NNT: variants seen among roughly 807,000 people sequenced by gnomAD.
NNT encodes NAD(P) transhydrogenase, mitochondrial.
In NNT, 50 loss-of-function variants were observed where a neutral mutation model predicts 104.8. The ratio of observed to expected loss-of-function variants is 0.48; its 90% CI spans 0.38 to 0.60. NNT has a LOEUF of 0.60. Ranked by LOEUF, NNT falls within the 20% of genes least tolerant of loss-of-function variation. The pLI is 0.00. For missense variants in NNT, 1,131 were observed against 1,330.7 expected, an observed-to-expected ratio of 0.85 and a Z score of 2.33; for synonymous variants, 461 against 490.4, an observed-to-expected ratio of 0.94 and a Z score of 0.79.
At chr5:43,645,605 GTATATA>G (rs1179649384) in intron 10 of NNT, 95 bp downstream of exon 10, 22 of 486,452 alleles carry the variant, frequency 4.5e-5, no homozygotes, top group Non-Finnish European at 5.9e-5. Flanking sequence ...CTATATATAC[GTATATA>G]TAGATATATA....
chr5:43,644,792 T>C lies in NNT; in HGVS notation c.1280T>C (p.Val427Ala), dbSNP rs201576637. The C allele has an allele frequency of 1.1e-4, 175 of 1,612,486 alleles. 1 individual carries two copies. Among genetic ancestry groups the C allele is most frequent in the Non-Finnish European group, 4.6e-5 (54 of 1,178,928 alleles). ...ATGGGTCATGTCATTAGAGGAACTGTAGTGATGAAAGTAAGTAAAGAGATC... is the reference window on the plus strand; with the variant it reads ...ATGGGTCATGTCATTAGAGGAACTGCAGTGATGAAAGTAAGTAAAGAGATC... ...GTMGHVIRGT[V>A]VMKDGKVIFP... Residue 427 changes from valine to alanine, a missense_variant, in exon 9 of 22, where the codon GTA becomes GCA. Val to Ala is a moderately conservative substitution (Grantham distance 64). Coordinates refer to ENST00000344920, the MANE Select transcript of NNT (RefSeq NM_182977.3).
At chr5:43,689,752 G>T (rs1561325386) in intron 19 of NNT, among the ~76,000 whole-genome samples, 1 of 152,092 alleles carries the variant, frequency 6.6e-6, no homozygotes, top group South Asian at 2.1e-4. Flanking sequence ...CCAAGTCAAA[G>T]AAATCAAAAA....
intron 6 of NNT, among the ~76,000 whole-genome samples, chr5:43,626,794 G>GTA (rs904619242): frequency 4.0e-5 from 6 of 149,730 alleles, no homozygotes; most frequent in Non-Finnish European, 7.4e-5. Flanking sequence ...ATATGTATGT[G>GTA]TATATATATG....
intron 17 of NNT, among the ~76,000 whole-genome samples, chr5:43,673,123 A>G (rs898663643): frequency 1.3e-5 from 2 of 152,152 alleles, no homozygotes; most frequent in African/African-American, 4.8e-5. Context: ...TGCTAAGACC[A>G]TTGGAAAAGC....
At chr5:43,668,329 G>T (rs1174351099) in intron 17 of NNT, among the ~76,000 whole-genome samples, 5 of 150,508 alleles carry the variant, frequency 3.3e-5, no homozygotes, top group Admixed American at 3.3e-4. Context: ...CATTGCTTTT[G>T]GAGTTTTATA....
chr5:43,672,079 C>G (rs935958748), intron 17 of NNT, among the ~76,000 whole-genome samples: 15 of 152,366 alleles, frequency 9.8e-5, no homozygotes, highest in African/African-American at 2.9e-4. Context: ...ATCGAATTGG[C>G]TACTGAAACT....
At chr5:43,645,640 C>CATCT (rs1319635971) in intron 10 of NNT, 130 bp downstream of exon 10, 147 of 168,124 alleles carry the variant, frequency 8.7e-4, no homozygotes, top group African/African-American at 3.1e-3. Context: ...TATATCTACA[C>CATCT]ATCTATCTAT....
chr5:43,628,422 C>T (rs2111693736), intron 7 of NNT, 35 bp downstream of exon 7: 1 of 1,458,642 alleles, frequency 6.9e-7, no homozygotes, highest in Admixed American at 2.4e-5. Context: ...TTTAAAAGCA[C>T]TTTTACTCTT....
rs1233453949 is a variant in NNT at position 43,623,908 on chromosome 5, T to TA, written c.688-123dup. 3 of 858,346 alleles carry TA rather than the reference T, an allele frequency of 3.5e-6. No individual in the cohort carries two copies. In the African/African-American group the frequency reaches 4.9e-5, roughly 14 times the overall value. 53.2% of individuals were successfully genotyped at this position (858,346 alleles called of 1,614,324 possible). A position where few individuals can be genotyped will look rare whatever the true frequency, so the allele number is the denominator to read the frequency against. Reference sequence around the variant, plus strand: ...ACAGTTACTAAGGGCTGATCATCATTATCACCATCTGCACCGCCATTTATT... The same window carrying TA: ...ACAGTTACTAAGGGCTGATCATCATTAATCACCATCTGCACCGCCATTTATT... On this transcript the variant is annotated intron_variant, in intron 5 of 21. Transcript: ENST00000344920.
chr5:43,629,157 C>G lies in NNT; in HGVS notation c.964+770C>G, dbSNP rs946435327. On this transcript the variant is annotated intron_variant, in intron 7 of 21. Transcript: ENST00000344920. ...TTTAGTCTTTTATCCCTCACCCCCC[C>G]TCCCACTCTTAACCCCTGAGTCCCC... 1.1e-4 allele frequency among the ~76,000 whole-genome samples: 16 copies of G among 152,182 alleles called. No homozygotes were observed. The East Asian group carries it at 2.3e-3, about 22-fold the overall frequency.
At chr5:43,682,843 G>A (rs1014269147) in intron 19 of NNT, among the ~76,000 whole-genome samples, 3 of 152,098 alleles carry the variant, frequency 2.0e-5, no homozygotes, top group Admixed American at 1.3e-4. Flanking sequence ...TAGGTCCAGG[G>A]GATACCTCAG....
intron 1 of NNT, among the ~76,000 whole-genome samples, chr5:43,607,514 G>C (rs1218612258): frequency 6.6e-6 from 1 of 152,012 alleles, no homozygotes; most frequent in African/African-American, 2.4e-5. Context: ...CTCTCTTTTC[G>C]GACTCAGCCC....
chr5:43,652,292 A>G (rs879681551), intron 13 of NNT, among the ~76,000 whole-genome samples: 59 of 152,180 alleles, frequency 3.9e-4, no homozygotes, highest in Admixed American at 2.2e-3. Context: ...CCAGCACATC[A>G]TCTCTTGCTA....
chr5:43,619,645 G>C (rs1749965718), intron 5 of NNT, among the ~76,000 whole-genome samples: 3 of 152,146 alleles, frequency 2.0e-5, no homozygotes, highest in Non-Finnish European at 4.4e-5. Context: ...GGTGACGATG[G>C]CTTGCTGAAA....
chr5:43,620,479 C>T (rs113310071), intron 5 of NNT, among the ~76,000 whole-genome samples: 3,091 of 152,044 alleles, frequency 0.02, 55 homozygotes, highest in South Asian at 0.047. Context: ...CTTGGCCTCC[C>T]GAAGTGCTGG....
chr5:43,660,330 A>T (rs1324839056), intron 17 of NNT, among the ~76,000 whole-genome samples: 2 of 152,228 alleles, frequency 1.3e-5, no homozygotes, highest in Non-Finnish European at 2.9e-5. Flanking sequence ...AACAGAAAAA[A>T]GTAACAACAC....
At chr5:43,641,019 C>G (rs946316848) in intron 7 of NNT, among the ~76,000 whole-genome samples, 1 of 151,772 alleles carries the variant, frequency 6.6e-6, no homozygotes, top group African/African-American at 2.4e-5. Flanking sequence ...TCTTCTTTTA[C>G]AATTAATTCT....
chr5:43,607,023 T>C (rs1230409975), intron 1 of NNT, among the ~76,000 whole-genome samples: 1 of 151,698 alleles, frequency 6.6e-6, no homozygotes, highest in Non-Finnish European at 1.5e-5. Flanking sequence ...AGTCTTGCTC[T>C]CTCGCCCAGG....
intron 19 of NNT, among the ~76,000 whole-genome samples, chr5:43,699,794 T>G (rs892453055): frequency 6.6e-6 from 1 of 152,206 alleles, no homozygotes; most frequent in Admixed American, 6.5e-5. Flanking sequence ...CCAGAAAGTA[T>G]GAGAGAACAC....
Sources: allele counts gnomAD v4.1 joint callset (sites outside exome capture counted in the v4.1 genomes callset), GRCh38; gene constraint gnomAD v4.1.1; transcripts MANE v1.5; gene names NCBI Gene and HGNC (gene_info 2026-07-23, HGNC 2026-07-21).